Variants in CFAP299 observed in about 807,000 individuals in gnomAD.
CFAP299 encodes the protein cilia- and flagella-associated protein 299.
CFAP299 carries 21 observed loss-of-function variants against 27.0 expected under a neutral mutation model. That is an observed-to-expected ratio of 0.78 (90% CI 0.55 to 1.12). The LOEUF is 1.12. Among genes scored for constraint, CFAP299 ranks in the 50% most tolerant of loss-of-function variants. The probability of loss-of-function intolerance (pLI) is 0.00; values close to 1 mark genes in which losing one functional copy is unlikely to be tolerated. For synonymous variants in CFAP299, 104 were observed against 98.1 expected (o/e 1.06, Z -0.36); for missense variants, 310 against 276.6 (o/e 1.12, Z -0.86).
intron 2 of CFAP299, among the ~76,000 whole-genome samples, chr4:80,477,184 C>T (rs1730326137): frequency 6.6e-6 from 1 of 152,026 alleles, no homozygotes; most frequent in East Asian, 1.9e-4. Context: ...CACCTCAGTC[C>T]CCAAGTAGTT....
In CFAP299 at chr4:80,868,460, C is replaced by T. The variant is rs544777942; in HGVS notation, c.334-1533C>T. The stretch of plus-strand genomic sequence containing the variant: ...TCTGGATTCACTGAAGATAGTACTT[C>T]ATGCATTTTTGATTTCTCAGCTTTC... On this transcript the variant is annotated intron_variant, in intron 3 of 5. Coordinates refer to ENST00000358105, the MANE Select transcript of CFAP299 (RefSeq NM_152770.3). 2.0e-5 allele frequency among the ~76,000 whole-genome samples: 3 copies of T among 152,246 alleles called. No homozygotes were observed. In the South Asian group the frequency reaches 6.2e-4, roughly 32 times the overall value.
intron 4 of CFAP299, chr4:80,870,633 A>G: frequency 2.0e-6 from 2 of 985,816 alleles, no homozygotes; most frequent in South Asian, 9.4e-5. Context: ...TAGAACCCTT[A>G]TCTATCACCT....
At chr4:80,547,109 A>G (rs1734272538) in intron 2 of CFAP299, among the ~76,000 whole-genome samples, 1 of 152,190 alleles carries the variant, frequency 6.6e-6, no homozygotes, top group South Asian at 2.1e-4. Context: ...CAGAGGCATA[A>G]CACTACCTGA....
At position 80,751,366 on chromosome 4, in the gene CFAP299, G is replaced by A. The variant is rs551772923; in HGVS notation, c.334-118627G>A. Among the ~76,000 whole-genome samples, 104 of 152,260 alleles carry A rather than the reference G, an allele frequency of 6.8e-4. No individual in the cohort carries two copies. In the South Asian group the frequency reaches 0.018, roughly 27 times the overall value. On this transcript the variant is annotated intron_variant, in intron 3 of 5. Coordinates refer to ENST00000358105, the MANE Select transcript of CFAP299 (RefSeq NM_152770.3). ...TGGTAGAGCTGGTGTGCTATGTTGG[G>A]AGGGACCTTTCCTCATGCAGATCTT...
At chr4:80,890,522 C>T (rs969366120) in intron 4 of CFAP299, among the ~76,000 whole-genome samples, 6 of 151,716 alleles carry the variant, frequency 4.0e-5, no homozygotes, top group Non-Finnish European at 2.9e-5. Flanking sequence ...AATAAACATA[C>T]GTGTGCATGT....
intron 3 of CFAP299, among the ~76,000 whole-genome samples, chr4:80,608,079 A>G (rs571126948): frequency 6.6e-6 from 1 of 152,264 alleles, no homozygotes; most frequent in South Asian, 2.1e-4. Context: ...AATTTTATAT[A>G]CAAATATATG....
intron 3 of CFAP299, among the ~76,000 whole-genome samples, chr4:80,858,173 A>G (rs1732051221): frequency 6.6e-6 from 1 of 152,178 alleles, no homozygotes; most frequent in African/African-American, 2.4e-5. Flanking sequence ...CATTTCTTCT[A>G]GATTGTCTAG....
At chr4:80,714,541 G>A (rs369687280) in intron 3 of CFAP299, among the ~76,000 whole-genome samples, 16 of 152,062 alleles carry the variant, frequency 1.1e-4, no homozygotes, top group African/African-American at 2.9e-4. Context: ...GTCAGTTCTT[G>A]AGATACAAAT....
At chr4:80,610,426 G>T (rs1006336383) in intron 3 of CFAP299, among the ~76,000 whole-genome samples, 2 of 152,002 alleles carry the variant, frequency 1.3e-5, no homozygotes, top group African/African-American at 4.8e-5. Context: ...TACCTACAGA[G>T]AAATAGCCAC....
the CFAP299 span, among the ~76,000 whole-genome samples, chr4:80,322,260 C>A: frequency 6.6e-6 from 1 of 152,194 alleles, no homozygotes; most frequent in Non-Finnish European, 1.5e-5. Context: ...AAATGCATAT[C>A]CTTGCTCCTT....
At chr4:80,436,114 T>C (rs1324779841) in intron 2 of CFAP299, among the ~76,000 whole-genome samples, 1 of 152,146 alleles carries the variant, frequency 6.6e-6, no homozygotes, top group Non-Finnish European at 1.5e-5. Flanking sequence ...TGGCAAAGAA[T>C]GTTAACTGCA....
Position 80,474,808 on chromosome 4 carries a change from C to T in CFAP299, c.243-108285C>T, listed in dbSNP as rs148174140. ...TCTAGGAATGCGGTGGTGAGAAAGA[C>T]GTGGTACCTGTGTTCATGGGGCTTA... On this transcript the variant is annotated intron_variant, in intron 2 of 5. Transcript: ENST00000358105. 3.0e-4 allele frequency among the ~76,000 whole-genome samples: 45 copies of T among 152,178 alleles called. No homozygotes were observed. The East Asian group carries it at 7.1e-3, about 24-fold the overall frequency.
intron 3 of CFAP299, among the ~76,000 whole-genome samples, chr4:80,854,867 T>TCAG (rs1445023171): frequency 8.1e-6 from 1 of 123,386 alleles, no homozygotes; most frequent in Non-Finnish European, 1.7e-5. Context: ...TGAAACGGTA[T>TCAG]CAGAATTTTC....
intron 2 of CFAP299, among the ~76,000 whole-genome samples, chr4:80,510,923 T>C (rs1732265987): frequency 6.6e-6 from 1 of 152,152 alleles, no homozygotes; most frequent in Admixed American, 6.6e-5. Flanking sequence ...AGTACTTTAT[T>C]CTGATGGGTA....
At chr4:80,504,066 T>C (rs1731874815) in intron 2 of CFAP299, among the ~76,000 whole-genome samples, 1 of 152,036 alleles carries the variant, frequency 6.6e-6, no homozygotes. Flanking sequence ...ATCCAAACTG[T>C]GTCTAGTGCT....
At chr4:80,770,965 A>C (rs1416341592) in intron 3 of CFAP299, among the ~76,000 whole-genome samples, 1 of 152,138 alleles carries the variant, frequency 6.6e-6, no homozygotes, top group Non-Finnish European at 1.5e-5. Flanking sequence ...GGTCAGGCCC[A>C]CCTAGATATT....
intron 2 of CFAP299, among the ~76,000 whole-genome samples, chr4:80,364,640 G>A (rs1338291625): frequency 6.6e-6 from 1 of 152,148 alleles, no homozygotes; most frequent in Non-Finnish European, 1.5e-5. Flanking sequence ...TGCAGGATGT[G>A]CAGGTTTGTT....
At chr4:80,614,565 G>GGCCT (rs1738175876) in intron 3 of CFAP299, among the ~76,000 whole-genome samples, 1 of 152,186 alleles carries the variant, frequency 6.6e-6, no homozygotes, top group African/African-American at 2.4e-5. Context: ...TGTAGTCAGA[G>GGCCT]GCCTGCCTGC....
chr4:80,832,893 C>T (rs1174132033), intron 3 of CFAP299, among the ~76,000 whole-genome samples: 1 of 151,954 alleles, frequency 6.6e-6, no homozygotes, highest in East Asian at 1.9e-4. Flanking sequence ...ATAATTGTTA[C>T]CATTCAGAGA....
Sources: allele counts gnomAD v4.1 joint callset (sites outside exome capture counted in the v4.1 genomes callset), GRCh38; gene constraint gnomAD v4.1.1; transcripts MANE v1.5; gene names NCBI Gene and HGNC (gene_info 2026-07-23, HGNC 2026-07-21).